The following NUP58 variants were observed in gnomAD, a reference collection of about 807,000 sequenced individuals.
NUP58 encodes the protein nucleoporin 58, also known as nucleoporin p58/p45.
Under a neutral mutation model 70.1 loss-of-function variants are expected in NUP58, and 17 were observed. That is an observed-to-expected ratio of 0.24 (90% CI 0.17 to 0.36). The LOEUF (loss-of-function observed/expected upper bound fraction) is 0.36. NUP58 is among the 10% of genes least tolerant of loss of function. NUP58 has a pLI of 1.00. For synonymous variants in NUP58, 275 were observed against 257.6 expected (o/e 1.07, Z -0.65); for missense variants, 644 against 701.5 (o/e 0.92, Z 0.93).
intron 13 of NUP58, 116 bp downstream of exon 13, chr13:25,331,674 C>G (rs2031611455): frequency 6.8e-7 from 1 of 1,480,734 alleles, no homozygotes; most frequent in African/African-American, 1.4e-5. Context: ...GTAGCTGTTC[C>G]AATACAATCT....
intron 13 of NUP58, chr13:25,332,961 A>G (rs551501001): frequency 5.0e-5 from 49 of 985,332 alleles, no homozygotes; most frequent in Non-Finnish European, 5.9e-5. Flanking sequence ...TATTAATCCT[A>G]AAGTAGATAA....
rs770731487 is a variant in NUP58 at position 25,301,899 on chromosome 13, C to T, written c.107+19C>T. 2.6e-6 allele frequency: 4 copies of T among 1,551,090 alleles called. No individual in the cohort carries two copies. The highest frequency in any genetic ancestry group is 1.7e-4 in the Middle Eastern group (1 of 5,958). On this transcript the variant is annotated intron_variant, in intron 1 of 15. Transcript: ENST00000381736. Reference sequence around the variant, plus strand: ...CGTCTAGGTAACCGCACTTTCTCGCCTTCCTGGGCCGGATTCACCCCCACC... The same window carrying T: ...CGTCTAGGTAACCGCACTTTCTCGCTTTCCTGGGCCGGATTCACCCCCACC...
downstream of NUP58, among the ~76,000 whole-genome samples, chr13:25,343,166 C>G (rs1390890740): frequency 6.6e-6 from 1 of 151,910 alleles, no homozygotes; most frequent in East Asian, 1.9e-4. Flanking sequence ...TATCCCTCAC[C>G]CTCTTCCCAC....
At chr13:25,318,924 A>C (rs538348318) in intron 6 of NUP58, among the ~76,000 whole-genome samples, 1 of 152,314 alleles carries the variant, frequency 6.6e-6, no homozygotes, top group East Asian at 1.9e-4. Context: ...CAACAACATA[A>C]ATTTTCCATA....
In NUP58 at chr13:25,330,129, G is replaced by GT. The variant is rs142839725; in HGVS notation, c.1234-1225dup. Among the ~76,000 whole-genome samples, 993 of 152,282 alleles carry GT rather than the reference G, an allele frequency of 6.5e-3. 15 individuals carry two copies. Among genetic ancestry groups the GT allele is most frequent in the African/African-American group, 0.022 (926 of 41,552 alleles). On this transcript the variant is annotated intron_variant, in intron 12 of 15. Transcript: ENST00000381736. ...AGGTGGGAGCCACCGCGGCCAGGCT[G>GT]TTTCTTTTAACTAATGGTCTTGGTC...
chr13:25,346,039 C>T (rs2032045480), downstream of NUP58, among the ~76,000 whole-genome samples: 1 of 152,178 alleles, frequency 6.6e-6, no homozygotes, highest in Non-Finnish European at 1.5e-5. Context: ...TCATCACCAC[C>T]CCTCTTTTAA....
Position 25,307,948 on chromosome 13 carries a change from G to A in NUP58, c.250G>A (p.Gly84Arg), listed in dbSNP as rs771190154. 1 of 1,613,868 alleles carries A rather than the reference G, an allele frequency of 6.2e-7. No individual in the cohort carries two copies. The highest frequency in any genetic ancestry group is 2.2e-5 in the East Asian group (1 of 44,858). ...TGFTLGGTNTGIATTITTGLT... is the reference protein window; with the variant it reads ...TGFTLGGTNTRIATTITTGLT... ...GTTCACTCTAGGAGGAACAAATACA[G>A]GTGAGGAGGATCTGATCACATTGTC... Residue 84 changes from glycine (G) to arginine (R), a missense_variant and splice_region_variant, in exon 2 of 16, where the codon GGA becomes AGA. Physicochemically the swap from Gly to Arg is moderately radical, Grantham distance 125. This residue lies in a region of NUP58 where 430 missense variants were observed against 409.2 expected (regional missense o/e 1.05). Coordinates refer to ENST00000381736, the MANE Select transcript of NUP58 (RefSeq NM_014089.4).
At chr13:25,313,212 G>T (rs1026053097) in intron 4 of NUP58, among the ~76,000 whole-genome samples, 180 bp downstream of exon 4, 3 of 152,224 alleles carry the variant, frequency 2.0e-5, no homozygotes, top group African/African-American at 7.2e-5. Context: ...AAGCAGGGGA[G>T]AGGGCTAGAG....
At chr13:25,315,698 CT>C (rs552258921) in intron 6 of NUP58, among the ~76,000 whole-genome samples, 1 of 151,904 alleles carries the variant, frequency 6.6e-6, no homozygotes, top group African/African-American at 2.4e-5. Flanking sequence ...GTCAGTAACT[CT>C]TTTTAAATAT....
At chr13:25,320,270 C>T (rs1272264029) in intron 7 of NUP58, 1 of 294,386 alleles carries the variant, frequency 3.4e-6, no homozygotes, top group Non-Finnish European at 6.2e-6. Flanking sequence ...TAGTCATATG[C>T]TTTTAAGTAT....
At chr13:25,313,108 C>A in intron 4 of NUP58, 76 bp downstream of exon 4, 3 of 1,461,674 alleles carry the variant, frequency 2.1e-6, no homozygotes, top group Non-Finnish European at 2.8e-6. Context: ...TAGATAGTCA[C>A]CTTACTACAG....
rs1297322314 is a variant in NUP58, at chr13:25,307,900, T to C, written c.202T>C (p.Phe68Leu). ...TTCAAGTGGTTTTGGAACCGGGCTC[T>C]TTGGATCTAAACCTGCCACTGGGTT... ...APSSGFGTGLFGSKPATGFTL... is the reference protein window; with the variant it reads ...APSSGFGTGLLGSKPATGFTL... The change falls in exon 2 of 16, where the codon TTT becomes CTT. Residue 68 changes from phenylalanine (F) to leucine (L), a missense_variant. Physicochemically the swap from Phe to Leu is conservative, Grantham distance 22. Coordinates refer to ENST00000381736, the MANE Select transcript of NUP58 (RefSeq NM_014089.4). The C allele has an allele frequency of 2.5e-6, 4 of 1,614,038 alleles. No homozygotes were observed. The Admixed American group carries it at 6.7e-5, about 27-fold the overall frequency.
chr13:25,304,765 G>C (rs2030233633), intron 1 of NUP58, among the ~76,000 whole-genome samples: 1 of 151,360 alleles, frequency 6.6e-6, no homozygotes, highest in East Asian at 1.9e-4. Flanking sequence ...CCTGACTTCA[G>C]GTGATCCATC....
chr13:25,303,200 C>T (rs1306038301), intron 1 of NUP58: 10 of 422,690 alleles, frequency 2.4e-5, no homozygotes, highest in Non-Finnish European at 4.1e-5. Flanking sequence ...TTAATCATTA[C>T]CCGCCATCGT....
At chr13:25,308,446 G>A (rs891142537) in intron 2 of NUP58, among the ~76,000 whole-genome samples, 2 of 150,804 alleles carry the variant, frequency 1.3e-5, no homozygotes, top group African/African-American at 2.4e-5. Context: ...GGGACCACAC[G>A]TGTGCACCAC....
intron 13 of NUP58, chr13:25,336,437 A>G (rs1218464670): frequency 6.4e-6 from 3 of 468,080 alleles, no homozygotes; most frequent in African/African-American, 2.1e-5. Flanking sequence ...CTCTTATGAA[A>G]TAACATGATA....
At chr13:25,331,733 G>C in intron 13 of NUP58, 175 bp downstream of exon 13, 2 of 1,424,406 alleles carry the variant, frequency 1.4e-6, no homozygotes, top group South Asian at 3.1e-5. Flanking sequence ...AAAAGGCAGG[G>C]TAGTCTTAGC....
At chr13:25,335,966 G>T in intron 13 of NUP58, 1 of 1,104,456 alleles carries the variant, frequency 9.1e-7, no homozygotes. Flanking sequence ...TTTGTATTCT[G>T]CTTAGTTTTA....
rs887081686 is a variant in NUP58, at chr13:25,313,483, T to C, written c.437-131T>C. On this transcript the variant is annotated intron_variant, in intron 4 of 15. Transcript: ENST00000381736. ...TCTCTTTATTCTTAAGTATGTAATT[T>C]TTAGCAAGTAGTTCTTCCAAAGAGC... 3 of 798,946 alleles carry C rather than the reference T, an allele frequency of 3.8e-6. No individual in the cohort carries two copies. In the East Asian group the frequency reaches 8.9e-5, roughly 24 times the overall value. The allele number at this position is 798,946 out of a possible 1,614,324, so 49.5% of individuals were successfully genotyped here. A position where few individuals can be genotyped will look rare whatever the true frequency, so the allele number is the denominator to read the frequency against.
Sources: allele counts gnomAD v4.1 joint callset (sites outside exome capture counted in the v4.1 genomes callset), GRCh38; gene constraint gnomAD v4.1.1; regional missense constraint gnomAD v4.1.1; transcripts MANE v1.5; gene names NCBI Gene and HGNC (gene_info 2026-07-23, HGNC 2026-07-21).